The following TNR variants were observed in gnomAD, a reference collection of about 807,000 sequenced individuals.
TNR encodes the protein tenascin-R.
A neutral mutation model predicts 150.4 loss-of-function variants in TNR; 45 were observed. That is an observed-to-expected ratio of 0.30 (90% CI 0.24 to 0.38). TNR has a LOEUF of 0.38. Ranked by LOEUF, TNR falls within the 10% of genes least tolerant of loss-of-function variation. TNR has a pLI of 1.00. For synonymous variants in TNR, 687 were observed against 678.4 expected (o/e 1.01, Z -0.20); for missense variants, 1,544 against 1,759.1 (o/e 0.88, Z 2.19).
chr1:175,378,996 A>G (rs1274225813), intron 9 of TNR, among the ~76,000 whole-genome samples: 1 of 152,178 alleles, frequency 6.6e-6, no homozygotes, highest in African/African-American at 2.4e-5. Context: ...CCTGACCAAC[A>G]TGGAGAAACC....
At chr1:175,362,931 G>A in intron 13 of TNR, 122 bp from the exon 14 acceptor site, 2 of 1,207,116 alleles carry the variant, frequency 1.7e-6, no homozygotes, top group South Asian at 1.4e-5. Context: ...GGGGAGGGAT[G>A]ATACATGGTT....
intron 2 of TNR, among the ~76,000 whole-genome samples, chr1:175,518,254 G>A (rs1360613047): frequency 1.3e-5 from 2 of 152,134 alleles, no homozygotes; most frequent in Non-Finnish European, 2.9e-5. Context: ...TCCTGGATTG[G>A]CTCATGCACA....
At chr1:175,695,858 T>C (rs1338987074) in intron 1 of TNR, among the ~76,000 whole-genome samples, 1 of 152,224 alleles carries the variant, frequency 6.6e-6, no homozygotes, top group Non-Finnish European at 1.5e-5. Context: ...TTCAAGCTCC[T>C]CAAGGCCAGA....
In TNR at chr1:175,386,266, C is replaced by T. The variant is rs139629961; in HGVS notation, c.1543G>A (p.Val515Ile). Residue 515 changes from valine (V) to isoleucine (I), a missense_variant, in exon 8 of 23, where the codon GTC becomes ATC. Around this residue, in one of 2 missense-constraint regions of TNR, gnomAD observed 1,254 missense variants for 1,329.4 expected, o/e 0.94. Transcript: ENST00000367674. The part of the protein sequence containing the change: ...DGPTQILVRD[V>I]SDTVAFVEWI... ...TCCACAAAAGCCACAGTGTCCGAGA[C>T]ATCGCGAACCAGGATCTGCGTGGGG... 4.8e-4 allele frequency: 758 copies of T among 1,584,208 alleles called. No homozygotes were observed. Among genetic ancestry groups the T allele is most frequent in the Non-Finnish European group, 6.2e-4 (722 of 1,159,312 alleles).
chr1:175,555,676 C>T (rs1488078608), intron 1 of TNR, among the ~76,000 whole-genome samples: 2 of 152,202 alleles, frequency 1.3e-5, no homozygotes, highest in Non-Finnish European at 1.5e-5. Flanking sequence ...AACCCAAGCT[C>T]TTGTACCCAT....
intron 1 of TNR, among the ~76,000 whole-genome samples, chr1:175,572,122 G>A (rs1196841320): frequency 2.0e-5 from 3 of 152,076 alleles, no homozygotes; most frequent in East Asian, 3.9e-4. Flanking sequence ...ATCATGGGCC[G>A]CTACTACTGA....
intron 2 of TNR, among the ~76,000 whole-genome samples, chr1:175,512,919 C>T (rs183358918): frequency 2.0e-4 from 30 of 152,306 alleles, no homozygotes; most frequent in Admixed American, 8.5e-4. Flanking sequence ...CAGAAGTTCT[C>T]TGGTTTAGGT....
chr1:175,374,170 T>TG (rs1652259466), intron 9 of TNR, among the ~76,000 whole-genome samples: 1 of 152,162 alleles, frequency 6.6e-6, no homozygotes, highest in South Asian at 2.1e-4. Flanking sequence ...TTGAGTGCCG[T>TG]GGTCAGTGCT....
intron 1 of TNR, among the ~76,000 whole-genome samples, chr1:175,555,341 T>C (rs1398020012): frequency 6.6e-6 from 1 of 152,154 alleles, no homozygotes; most frequent in East Asian, 1.9e-4. Flanking sequence ...GCACATTTTC[T>C]AGTTCCTAAT....
chr1:175,376,002 G>T (rs772149280), intron 9 of TNR, among the ~76,000 whole-genome samples: 5 of 152,122 alleles, frequency 3.3e-5, no homozygotes, highest in Non-Finnish European at 5.9e-5. Flanking sequence ...CATGAAGCTG[G>T]TCTCCCCCCT....
chr1:175,407,339 C>T (rs763387270), intron 2 of TNR, among the ~76,000 whole-genome samples: 1 of 152,170 alleles, frequency 6.6e-6, no homozygotes, highest in Non-Finnish European at 1.5e-5. Flanking sequence ...ACCTTGGGTA[C>T]ATTTGTGATT....
In TNR at chr1:175,397,960, G is replaced by A. The variant is rs995937582; in HGVS notation, c.977-1153C>T. ...CAAAGATCAAGCCGATATTTAAATG[G>A]TCATTATTAACTTATAAATTTATAT... On this transcript the variant is annotated intron_variant, in intron 4 of 22. Coordinates refer to ENST00000367674, the MANE Select transcript of TNR (RefSeq NM_003285.3). 2.6e-5 allele frequency among the ~76,000 whole-genome samples: 4 copies of A among 152,190 alleles called. No individual in the cohort carries two copies. In the South Asian group the frequency reaches 8.3e-4, roughly 32 times the overall value.
chr1:175,323,215 C>T lies in TNR; in HGVS notation c.*142G>A, dbSNP rs543706760. The T allele has an allele frequency of 3.0e-5, 33 of 1,092,076 alleles. No individual in the cohort carries two copies. Among genetic ancestry groups the T allele is most frequent in the East Asian group, 8.5e-5 (3 of 35,356 alleles). 67.6% of individuals were successfully genotyped at this position (1,092,076 alleles called of 1,614,324 possible). ...GAAACCAAGAGCAGATGTTAGCCAG[C>T]GGATTCCTGCGACATCCCTGCTTCC... On this transcript the variant is annotated 3_prime_UTR_variant, in exon 23 of 23. Transcript: ENST00000367674.
intron 14 of TNR, among the ~76,000 whole-genome samples, chr1:175,361,339 A>T (rs1283967702): frequency 6.6e-6 from 1 of 152,144 alleles, no homozygotes; most frequent in Non-Finnish European, 1.5e-5. Context: ...CTTTAATATG[A>T]ATTTCTTGGT....
intron 1 of TNR, among the ~76,000 whole-genome samples, chr1:175,633,166 A>G (rs1297299374): frequency 6.6e-6 from 1 of 152,156 alleles, no homozygotes; most frequent in Non-Finnish European, 1.5e-5. Flanking sequence ...GTTCAAACCT[A>G]CATCCATCCT....
chr1:175,699,885 G>T (rs1666636617), intron 1 of TNR, among the ~76,000 whole-genome samples: 1 of 151,840 alleles, frequency 6.6e-6, no homozygotes, highest in Non-Finnish European at 1.5e-5. Context: ...TCCCTTCCTG[G>T]TATTTGTATC....
intron 2 of TNR, among the ~76,000 whole-genome samples, chr1:175,408,976 A>G (rs1167349926): frequency 1.3e-5 from 2 of 152,214 alleles, no homozygotes; most frequent in African/African-American, 2.4e-5. Context: ...ACTTCCAGAC[A>G]AGGTAAATAA....
At chr1:175,379,273 G>C (rs1166751151) in intron 9 of TNR, among the ~76,000 whole-genome samples, 2 of 151,596 alleles carry the variant, frequency 1.3e-5, no homozygotes, top group African/African-American at 2.4e-5. Context: ...TAAGATAATA[G>C]ATGAGAACCT....
chr1:175,470,126 C>A (rs768286787), intron 2 of TNR, among the ~76,000 whole-genome samples: 1 of 151,966 alleles, frequency 6.6e-6, no homozygotes, highest in Non-Finnish European at 1.5e-5. Flanking sequence ...CAGTATTGGA[C>A]GGGTTGCATT....
Sources: gnomAD v4.1 joint callset for allele counts (sites outside exome capture counted in the v4.1 genomes callset) on GRCh38, gnomAD v4.1.1 for gene constraint, gnomAD v4.1.1 regional missense constraint, MANE v1.5 for transcripts, NCBI Gene and HGNC (gene_info 2026-07-23, HGNC 2026-07-21) for gene names.